The following KHDC1 variants were observed in gnomAD, a reference collection of about 807,000 sequenced individuals.
KHDC1 encodes KH domain containing 1, also known as KH homology domain-containing protein 1.
KHDC1 carries 21 observed loss-of-function variants against 24.7 expected under a neutral mutation model. That is an observed-to-expected ratio of 0.85 (90% CI 0.60 to 1.23). The LOEUF (loss-of-function observed/expected upper bound fraction) is 1.23, where lower values mean the gene tolerates loss of function less well. Among genes scored for constraint, KHDC1 ranks in the 50% most tolerant of loss-of-function variants. KHDC1 has a pLI of 0.00. For missense variants in KHDC1, 274 were observed against 298.5 expected (o/e 0.92, Z 0.61); for synonymous variants, 98 against 111.7 (o/e 0.88, Z 0.77).
At chr6:73,259,092 C>T (rs114738781) in intron 2 of KHDC1, among the ~76,000 whole-genome samples, 2,301 of 152,236 alleles carry the variant, frequency 0.015, 26 homozygotes, top group East Asian at 0.056. Context: ...TCTTCCTACT[C>T]ACCACCAGGG....
intron 2 of KHDC1, among the ~76,000 whole-genome samples, chr6:73,277,863 CAA>C (rs35501040): frequency 2.9e-4 from 38 of 131,624 alleles, no homozygotes; most frequent in Admixed American, 2.4e-3. Context: ...GATCGTGTCT[CAA>C]AAAAAAAAAA....
At chr6:73,255,239 AG>A (rs34188734) in intron 2 of KHDC1, among the ~76,000 whole-genome samples, 25,889 of 137,436 alleles carry the variant, frequency 0.19, 3,026 homozygotes, top group African/African-American at 0.31. Flanking sequence ...TTTTTTGAGA[AG>A]GGGGTCTCTC....
At chr6:73,293,265 TG>T in intron 1 of KHDC1, 1 of 644,610 alleles carries the variant, frequency 1.6e-6, no homozygotes, top group Non-Finnish European at 3.0e-6. Context: ...CTCAAGATTC[TG>T]GCTTCTACTG....
chr6:73,242,506 T>C (rs759682596), exon 3 of KHDC1: 1 of 1,614,138 alleles, frequency 6.2e-7, no homozygotes, highest in Non-Finnish European at 8.5e-7. Context: ...GAGCACTCGT[T>C]CCCATGTCCA....
chr6:73,292,555 T>C, intron 1 of KHDC1: 1 of 767,796 alleles, frequency 1.3e-6, no homozygotes, highest in Admixed American at 1.7e-5. Context: ...CCATAGATAA[T>C]AATTCTGTGA....
At chr6:73,248,768 G>A (rs1021235707) in intron 2 of KHDC1, among the ~76,000 whole-genome samples, 1 of 152,048 alleles carries the variant, frequency 6.6e-6, no homozygotes, top group East Asian at 1.9e-4. Flanking sequence ...CTTAATTACT[G>A]TTCCTTTTAA....
chr6:73,243,776 A>G (rs886813323), intron 2 of KHDC1, among the ~76,000 whole-genome samples: 4 of 152,382 alleles, frequency 2.6e-5, no homozygotes, highest in East Asian at 3.9e-4. Flanking sequence ...GAGGTGCTGC[A>G]AACAGTGTTT....
intron 2 of KHDC1, among the ~76,000 whole-genome samples, chr6:73,258,342 C>A (rs1212031225): frequency 4.6e-5 from 7 of 151,970 alleles, no homozygotes; most frequent in African/African-American, 1.7e-4. Context: ...ACTTGGGAGA[C>A]TAAGGTGGAA....
chr6:73,267,207 C>T lies in KHDC1; in HGVS notation c.207-24677G>A, dbSNP rs1044604796. 2.6e-5 allele frequency among the ~76,000 whole-genome samples: 4 copies of T among 152,124 alleles called. No homozygotes were observed. The East Asian group carries it at 5.8e-4, about 22-fold the overall frequency. On this transcript the variant is annotated intron_variant, in intron 2 of 4. Transcript: ENST00000370384. ...GTCATCAAAAAAATGGGGCCAAGCA[C>T]AGTGGCTTACGCCTGTAATCCCAGC...
At chr6:73,241,391 C>T (rs1766561276) in exon 5 of KHDC1, 1 of 735,676 alleles carries the variant, frequency 1.4e-6, no homozygotes, top group Non-Finnish European at 2.3e-6. Context: ...TTCCCTCAGA[C>T]ATGTCTAGAA....
chr6:73,258,743 A>G (rs1373475989), intron 2 of KHDC1, among the ~76,000 whole-genome samples: 2 of 152,232 alleles, frequency 1.3e-5, no homozygotes, highest in East Asian at 3.8e-4. Context: ...TCTATCTCTC[A>G]GCATCAGTTT....
rs1158620688 is a variant in KHDC1 at position 73,272,856 on chromosome 6, C to CTTTTT, written c.206+19137_206+19141dup. 6.6e-4 allele frequency among the ~76,000 whole-genome samples: 89 copies of CTTTTT among 135,284 alleles called. 4 individuals are homozygous for CTTTTT. The highest frequency in any genetic ancestry group is 8.2e-4 in the Non-Finnish European group (53 of 64,740). 88.8% of individuals were successfully genotyped at this position (135,284 alleles called of 152,430 possible). ...ATAATTTTTTCTTTTCTTTTCTTTT[C>CTTTTT]TTTTTCTTTTTTTTTTTTTGGAGAT... On this transcript the variant is annotated intron_variant, in intron 2 of 4. Coordinates refer to ENST00000370384, the Ensembl canonical transcript of KHDC1.
chr6:73,250,454 G>C (rs1766758670), intron 2 of KHDC1, among the ~76,000 whole-genome samples: 1 of 152,196 alleles, frequency 6.6e-6, no homozygotes, highest in African/African-American at 2.4e-5. Flanking sequence ...TATGATTTTG[G>C]AAATAGCTAC....
At chr6:73,250,932 C>A (rs759170521) in intron 2 of KHDC1, among the ~76,000 whole-genome samples, 2 of 152,136 alleles carry the variant, frequency 1.3e-5, no homozygotes, top group Non-Finnish European at 2.9e-5. Flanking sequence ...CTCCACCTCC[C>A]GGGTTCAAGG....
chr6:73,254,049 T>G (rs1224007172), intron 2 of KHDC1, among the ~76,000 whole-genome samples: 2 of 151,986 alleles, frequency 1.3e-5, no homozygotes, highest in African/African-American at 4.8e-5. Context: ...CATCAAACAT[T>G]TAAATGTAAA....
chr6:73,298,151 ACT>A (rs1554227768), intron 1 of KHDC1, among the ~76,000 whole-genome samples: 3 of 151,676 alleles, frequency 2.0e-5, no homozygotes, highest in African/African-American at 4.8e-5. Flanking sequence ...ACAAAACGAG[ACT>A]CTGTCTAAAA....
At chr6:73,243,782 T>G (rs1393765399) in intron 2 of KHDC1, among the ~76,000 whole-genome samples, 3 of 152,208 alleles carry the variant, frequency 2.0e-5, no homozygotes, top group African/African-American at 7.2e-5. Flanking sequence ...CTGCAAACAG[T>G]GTTTGCTATC....
chr6:73,303,268 G>C (rs537128407), intron 1 of KHDC1, among the ~76,000 whole-genome samples: 29 of 151,938 alleles, frequency 1.9e-4, no homozygotes, highest in Non-Finnish European at 3.5e-4. Flanking sequence ...GGGGTGGGGG[G>C]ATTCAGGAGC....
intron 2 of KHDC1, among the ~76,000 whole-genome samples, chr6:73,264,016 G>C (rs1052004787): frequency 3.3e-5 from 5 of 152,138 alleles, no homozygotes; most frequent in African/African-American, 1.2e-4. Context: ...TGGGGCAACA[G>C]AGGGAGAACT....
Sources: gnomAD v4.1 joint callset for allele counts (sites outside exome capture counted in the v4.1 genomes callset) on GRCh38, gnomAD v4.1.1 for gene constraint, MANE v1.5 for transcripts, NCBI Gene and HGNC (gene_info 2026-07-23, HGNC 2026-07-21) for gene names.